The following KIF17 variants were observed in gnomAD, a reference collection of about 807,000 sequenced individuals.
The protein encoded by KIF17 is kinesin-like protein KIF17.
In KIF17, 80 loss-of-function variants were observed where a neutral mutation model predicts 96.8. The ratio of observed to expected loss-of-function variants is 0.83; its 90% CI spans 0.69 to 1.00. The LOEUF (loss-of-function observed/expected upper bound fraction) is 1.00, where lower values mean the gene tolerates loss of function less well. KIF17 is among the 50% of genes least tolerant of loss of function. The pLI is 0.00. For missense variants in KIF17, 1,280 were observed against 1,372.9 expected (o/e 0.93, Z 1.07); for synonymous variants, 567 against 587.5 (o/e 0.97, Z 0.51).
In KIF17 at chr1:20,715,349, C is replaced by T; in HGVS notation, c.378+144G>A. The T allele has an allele frequency of 3.6e-6, 4 of 1,101,602 alleles. No homozygotes were observed. The Middle Eastern group carries it at 9.0e-4, about 248-fold the overall frequency. 68.2% of individuals were successfully genotyped at this position (1,101,602 alleles called of 1,614,324 possible). ...CTGTTCTAAGTTTTTTTCCCACCAC[C>T]TTTTCAGAACCCAGAGCCTTCTCTG... On this transcript the variant is annotated intron_variant, in intron 2 of 14. Transcript: ENST00000400463.
At chr1:20,683,223 G>A (rs565483830) in intron 10 of KIF17, among the ~76,000 whole-genome samples, 65 of 152,364 alleles carry the variant, frequency 4.3e-4, no homozygotes, top group African/African-American at 1.5e-3. Context: ...CTGGCATGAT[G>A]AGAAGAACCC....
chr1:20,670,669 C>A (rs2053632438), intron 12 of KIF17, among the ~76,000 whole-genome samples, 181 bp from the exon 13 acceptor site: 2 of 152,146 alleles, frequency 1.3e-5, no homozygotes, highest in South Asian at 2.1e-4. Context: ...CCAGAGAAGA[C>A]CCTCATCTGC....
At chr1:20,706,338 C>G (rs1049812118) in intron 4 of KIF17, among the ~76,000 whole-genome samples, 1 of 151,960 alleles carries the variant, frequency 6.6e-6, no homozygotes, top group Non-Finnish European at 1.5e-5. Flanking sequence ...TGCCTGTAAT[C>G]CCAGCACTTT....
intron 11 of KIF17, among the ~76,000 whole-genome samples, chr1:20,675,427 G>A (rs767150655): frequency 6.2e-4 from 90 of 146,048 alleles, no homozygotes; most frequent in Admixed American, 1.2e-3. Context: ...CAGCCTGGGC[G>A]ACAAAGCGAG....
chr1:20,665,372 C>T (rs943273785), intron 14 of KIF17, among the ~76,000 whole-genome samples: 12 of 146,970 alleles, frequency 8.2e-5, no homozygotes, highest in Non-Finnish European at 1.6e-4. Context: ...TAATTACAGG[C>T]ATGCATCACC....
chr1:20,681,482 G>A (rs902993998), intron 11 of KIF17, among the ~76,000 whole-genome samples: 2 of 151,914 alleles, frequency 1.3e-5, no homozygotes, highest in South Asian at 2.1e-4. Flanking sequence ...GAGAGCCACC[G>A]CGCCCAGCCA....
chr1:20,708,808 G>C (rs1379388190), intron 4 of KIF17, among the ~76,000 whole-genome samples: 2 of 152,098 alleles, frequency 1.3e-5, no homozygotes, highest in African/African-American at 2.4e-5. Context: ...TGGCCAATGG[G>C]GCCCCCAAAT....
chr1:20,675,181 C>T lies in KIF17; in HGVS notation c.2464-2985G>A, dbSNP rs185035824. Among the ~76,000 whole-genome samples the T allele has an allele frequency of 6.1e-5, 9 of 147,694 alleles. No individual in the cohort carries two copies. In the East Asian group the frequency reaches 1.8e-3, roughly 30 times the overall value. On this transcript the variant is annotated intron_variant, in intron 11 of 14. Coordinates refer to ENST00000400463, the MANE Select transcript of KIF17 (RefSeq NM_001122819.3). Reference sequence around the variant, plus strand: ...AAAAAAAAAGGGCCGGGTGCGGTGGCTCATGCCTATAATCCCAGCACTTTG... The same window carrying T: ...AAAAAAAAAGGGCCGGGTGCGGTGGTTCATGCCTATAATCCCAGCACTTTG...
chr1:20,690,141 G>A, intron 7 of KIF17, 47 bp downstream of exon 7: 3 of 1,610,092 alleles, frequency 1.9e-6, no homozygotes, highest in Non-Finnish European at 2.5e-6. Flanking sequence ...AGGCGGAAAG[G>A]AGGCCACCTT....
intron 2 of KIF17, among the ~76,000 whole-genome samples, chr1:20,714,455 AC>A (rs1275961523): frequency 6.6e-6 from 1 of 152,072 alleles, no homozygotes; most frequent in Non-Finnish European, 1.5e-5. Context: ...GCGCCATTGC[AC>A]TCCAGCCTGG....
intron 2 of KIF17, among the ~76,000 whole-genome samples, chr1:20,714,938 T>C (rs2054550943): frequency 6.6e-6 from 1 of 152,178 alleles, no homozygotes; most frequent in Non-Finnish European, 1.5e-5. Flanking sequence ...CACAGTGGGT[T>C]CTGCAGCTGA....
In KIF17 at chr1:20,687,894, C is replaced by T. The variant is rs751561906; in HGVS notation, c.1432G>A (p.Ala478Thr). Residue 478 changes from alanine to threonine, a missense_variant, in exon 8 of 15, where the codon GCT (alanine) becomes ACT (threonine). Ala to Thr is a moderately conservative substitution (Grantham distance 58, BLOSUM62 0). Coordinates refer to ENST00000400463, the MANE Select transcript of KIF17 (RefSeq NM_001122819.3). The surrounding 1 kb of genome is among the most constrained non-coding windows in gnomAD (Gnocchi z 4.4). ...VLYKAEVMSRAEFASSAEYPP... is the reference protein window; with the variant it reads ...VLYKAEVMSRTEFASSAEYPP... ...TACTCAGCGCTGCTGGCAAACTCAG[C>T]CCTGGACATGACCTCAGCCTTGTAG... 12 of 1,613,922 alleles carry T rather than the reference C, an allele frequency of 7.4e-6. No individual in the cohort carries two copies. The South Asian group carries it at 8.8e-5, about 12-fold the overall frequency.
chr1:20,712,653 T>TC lies in KIF17; in HGVS notation c.480+800_480+801insG, dbSNP rs1266349013. 3.4e-4 allele frequency among the ~76,000 whole-genome samples: 23 copies of TC among 67,912 alleles called. 1 individual carries two copies. Among genetic ancestry groups the TC allele is most frequent in the African/African-American group, 1.3e-3 (17 of 13,392 alleles). The allele number at this position is 67,912 out of a possible 152,430, so 44.6% of individuals were successfully genotyped here. ...ATCTATATATATAATATAGATAATA[T>TC]TATCTATATATAATATAGATAATAT... On this transcript the variant is annotated intron_variant, in intron 3 of 14. Coordinates refer to ENST00000400463, the MANE Select transcript of KIF17 (RefSeq NM_001122819.3).
In KIF17 at chr1:20,712,319, G is replaced by A. The variant is rs561172166; in HGVS notation, c.480+1135C>T. On this transcript the variant is annotated intron_variant, in intron 3 of 14. Coordinates refer to ENST00000400463, the MANE Select transcript of KIF17 (RefSeq NM_001122819.3). ...CTCCTGTCTCTGCTTCCCTGTCTGG[G>A]GGCTGAGCTATGATTCAGCTGCACT... 1.3e-3 allele frequency among the ~76,000 whole-genome samples: 203 copies of A among 151,762 alleles called. 1 individual carries two copies. The highest frequency in any genetic ancestry group is 6.8e-3 in the Middle Eastern group (2 of 292).
At position 20,704,775 on chromosome 1, in the gene KIF17, C is replaced by G. The variant is rs1484655526; in HGVS notation, c.795G>C (p.Leu265=). The change falls in exon 5 of 15, where the codon CTG becomes CTC. Residue 265 remains leucine (L), a synonymous_variant. Transcript: ENST00000400463. The surrounding 1 kb of genome is among the most constrained non-coding windows in gnomAD (Gnocchi z 6.8). ...TGACATTGCCCAGTGCCGAGAGCGA[C>G]AGGTTGATCTTGGTGGCCTCCTTGA... ...ERLKEATKIN[L]SLSALGNVIS... 1.2e-5 allele frequency: 20 copies of G among 1,611,592 alleles called. 1 individual carries two copies. In the Middle Eastern group the frequency reaches 8.3e-4, roughly 66 times the overall value.
At chr1:20,691,302 A>G (rs72650873) in intron 6 of KIF17, among the ~76,000 whole-genome samples, 3,595 of 152,152 alleles carry the variant, frequency 0.024, 59 homozygotes, top group Non-Finnish European at 0.034. Context: ...AAAAATAAAA[A>G]TAAAACAGAA....
At chr1:20,683,727 C>T (rs954927337) in intron 10 of KIF17, among the ~76,000 whole-genome samples, 19 of 152,166 alleles carry the variant, frequency 1.2e-4, no homozygotes, top group African/African-American at 4.3e-4. Flanking sequence ...CCGAGGAGGG[C>T]ACATAGGGTC....
Position 20,709,620 on chromosome 1 carries a change from C to G in KIF17, c.670+19G>C, listed in dbSNP as rs767935959. 3 of 1,613,752 alleles carry G rather than the reference C, an allele frequency of 1.9e-6. No homozygotes were observed. The highest frequency in any genetic ancestry group is 1.7e-5 in the Admixed American group (1 of 60,014). On this transcript the variant is annotated intron_variant, in intron 4 of 14. Coordinates refer to ENST00000400463, the MANE Select transcript of KIF17 (RefSeq NM_001122819.3). The surrounding 1 kb of genome is among the most constrained non-coding windows in gnomAD (Gnocchi z 4.7). ...GCTGGGTCATCTGTCCCCCTGCCCC[C>G]AACAATGGCCTCGCATACCCACGGC...
chr1:20,709,890 G>A lies in KIF17; in HGVS notation c.481-62C>T, dbSNP rs894070705. ...GCCGCCAAGGGTTAGGACCAGGGATGGTCAAGGAACCAGAGAGAAGGGCCC... is the reference window on the plus strand; with the variant it reads ...GCCGCCAAGGGTTAGGACCAGGGATAGTCAAGGAACCAGAGAGAAGGGCCC... On this transcript the variant is annotated intron_variant, in intron 3 of 14. Transcript: ENST00000400463. This position sits in a 1 kb window ranked among gnomAD's most constrained non-coding sequence, Gnocchi z 4.7. 22 of 1,499,984 alleles carry A rather than the reference G, an allele frequency of 1.5e-5. No individual in the cohort carries two copies. The highest frequency in any genetic ancestry group is 2.0e-5 in the Non-Finnish European group (22 of 1,100,132). 92.9% of individuals were successfully genotyped at this position (1,499,984 alleles called of 1,614,324 possible). A position where few individuals can be genotyped will look rare whatever the true frequency, so the allele number is the denominator to read the frequency against.
Sources: gnomAD v4.1 joint callset for allele counts (sites outside exome capture counted in the v4.1 genomes callset) on GRCh38, gnomAD v4.1.1 for gene constraint, Gnocchi (gnomAD v3.1) non-coding constraint, MANE v1.5 for transcripts, NCBI Gene and HGNC (gene_info 2026-07-23, HGNC 2026-07-21) for gene names.